The following WWOX variants were observed in gnomAD, a reference collection of about 807,000 sequenced individuals.
WWOX encodes the protein WW domain containing oxidoreductase, also known as WW domain-containing oxidoreductase.
A neutral mutation model predicts 46.2 loss-of-function variants in WWOX; 69 were observed. That is an observed-to-expected ratio of 1.49 (90% confidence interval 1.23 to 1.82). The LOEUF is 1.82. Among genes scored for constraint, WWOX ranks in the 40% most tolerant of loss-of-function variants. The pLI is 0.00. For synonymous variants in WWOX, 359 were observed against 202.6 expected (o/e 1.77, Z -6.56); for missense variants, 919 against 542.6 (o/e 1.69, Z -6.89).
chr16:78,539,373 A>G lies in WWOX; in HGVS notation c.1056+106621A>G, dbSNP rs1191054375. Among the ~76,000 whole-genome samples, 8 of 152,228 alleles carry G rather than the reference A, an allele frequency of 5.3e-5. No homozygotes were observed. In the East Asian group the frequency reaches 1.5e-3, roughly 29 times the overall value. ...TGTTTCCCTGCTAGGGGCTCTTGTC[A>G]TAGGAGCCATTGTTGTAGCCTTAGA... On this transcript the variant is annotated intron_variant, in intron 8 of 8. Transcript: ENST00000566780.
At chr16:78,232,762 T>C (rs558807617) in intron 5 of WWOX, among the ~76,000 whole-genome samples, 26 of 152,356 alleles carry the variant, frequency 1.7e-4, no homozygotes, top group Non-Finnish European at 3.1e-4. Flanking sequence ...AGACTGCTTC[T>C]TATGTGATTC....
intron 8 of WWOX, among the ~76,000 whole-genome samples, chr16:79,024,662 C>G (rs1340673450): frequency 1.3e-5 from 2 of 152,104 alleles, no homozygotes; most frequent in East Asian, 3.9e-4. Flanking sequence ...GTCTTCATCT[C>G]CTGACCTCGT....
rs138259259 is a variant in WWOX, at chr16:78,497,841, C to T, written c.1056+65089C>T. Among the ~76,000 whole-genome samples the T allele has an allele frequency of 5.1e-4, 69 of 134,494 alleles. 1 individual carries two copies. The highest frequency in any genetic ancestry group is 1.5e-3 in the African/African-American group (58 of 38,956). The allele number at this position is 134,494 out of a possible 152,430, so 88.2% of individuals were successfully genotyped here. On this transcript the variant is annotated intron_variant, in intron 8 of 8. Transcript: ENST00000566780. ...AATCAATAAATGGTAGATTATACAC[C>T]GGAGTTACTGAGAATTATAAAAAAA... is the stretch of plus-strand genomic sequence containing the variant.
chr16:79,015,956 G>C (rs971439394), intron 8 of WWOX, among the ~76,000 whole-genome samples: 2 of 152,106 alleles, frequency 1.3e-5, no homozygotes, highest in African/African-American at 4.8e-5. Flanking sequence ...TCGCCATGTT[G>C]GCCAGGATGA....
intron 8 of WWOX, among the ~76,000 whole-genome samples, chr16:78,608,350 C>G (rs566451713): frequency 2.0e-5 from 3 of 152,290 alleles, no homozygotes; most frequent in African/African-American, 7.2e-5. Context: ...AAAGCCCTTA[C>G]CATTTATGAA....
intron 8 of WWOX, among the ~76,000 whole-genome samples, chr16:79,116,674 C>T (rs377074822): frequency 8.5e-5 from 13 of 152,090 alleles, no homozygotes; most frequent in African/African-American, 2.9e-4. Context: ...CTTACTTCCT[C>T]CACTAACTTT....
intron 8 of WWOX, among the ~76,000 whole-genome samples, chr16:78,481,326 G>C (rs2084480591): frequency 6.6e-6 from 1 of 152,078 alleles, no homozygotes; most frequent in Non-Finnish European, 1.5e-5. Context: ...TGTCTCTCTT[G>C]GTTTTCAGTG....
chr16:78,919,442 A>C (rs2045325826), intron 8 of WWOX, among the ~76,000 whole-genome samples: 1 of 151,826 alleles, frequency 6.6e-6, no homozygotes, highest in African/African-American at 2.4e-5. Flanking sequence ...ATCATCACTT[A>C]GAATGCCATC....
chr16:78,783,976 A>G (rs28620123), intron 8 of WWOX, among the ~76,000 whole-genome samples: 1 of 151,840 alleles, frequency 6.6e-6, no homozygotes, highest in Non-Finnish European at 1.5e-5. Context: ...TGATGATGAT[A>G]ATGATAGTGG....
intron 8 of WWOX, among the ~76,000 whole-genome samples, chr16:79,012,444 G>C (rs192666684): frequency 6.6e-6 from 1 of 152,092 alleles, no homozygotes; most frequent in Non-Finnish European, 1.5e-5. Flanking sequence ...CATTGGCCAG[G>C]CTGGTCTCGA....
intron 8 of WWOX, among the ~76,000 whole-genome samples, chr16:78,570,769 C>G (rs1051493812): frequency 2.0e-5 from 3 of 152,100 alleles, no homozygotes; most frequent in Non-Finnish European, 4.4e-5. Flanking sequence ...AAAATATATT[C>G]CAGTGGCGAT....
At chr16:78,987,874 T>C (rs1346564312) in intron 8 of WWOX, among the ~76,000 whole-genome samples, 3 of 152,204 alleles carry the variant, frequency 2.0e-5, no homozygotes, top group African/African-American at 7.2e-5. Context: ...TGGGCTTTGC[T>C]GCTTACAACA....
chr16:78,909,431 G>A (rs992518354), intron 8 of WWOX, among the ~76,000 whole-genome samples: 4 of 152,188 alleles, frequency 2.6e-5, no homozygotes, highest in Admixed American at 2.6e-4. Flanking sequence ...AAACAAGGAG[G>A]TTGAACAACC....
chr16:78,640,008 C>T lies in WWOX; in HGVS notation c.1056+207256C>T, dbSNP rs562382820. On this transcript the variant is annotated intron_variant, in intron 8 of 8. Coordinates refer to ENST00000566780, the MANE Select transcript of WWOX (RefSeq NM_016373.4). Reference sequence around the variant, plus strand: ...ATCCCACACAGTGCTGGGGCAGTTTCATAGCCTGTGACCACACAGATAGGA... The same window carrying T: ...ATCCCACACAGTGCTGGGGCAGTTTTATAGCCTGTGACCACACAGATAGGA... Among the ~76,000 whole-genome samples, 7 of 152,262 alleles carry T rather than the reference C, an allele frequency of 4.6e-5. No individual in the cohort carries two copies. The East Asian group carries it at 1.4e-3, about 29-fold the overall frequency.
intron 8 of WWOX, among the ~76,000 whole-genome samples, chr16:79,067,755 G>A (rs1246452051): frequency 6.6e-6 from 1 of 152,134 alleles, no homozygotes; most frequent in Non-Finnish European, 1.5e-5. Flanking sequence ...GTAGTGCCTG[G>A]CAAATGCACA....
chr16:79,200,462 C>T (rs904418588), intron 8 of WWOX, among the ~76,000 whole-genome samples: 2 of 152,164 alleles, frequency 1.3e-5, no homozygotes, highest in African/African-American at 4.8e-5. Context: ...AGTTCCAGCA[C>T]TGCCCCGTTG....
chr16:78,192,928 A>G (rs1390990328), intron 5 of WWOX, among the ~76,000 whole-genome samples: 7 of 152,252 alleles, frequency 4.6e-5, no homozygotes, highest in African/African-American at 1.7e-4. Context: ...AGTAACAAAC[A>G]ATCCCAGACT....
At chr16:78,826,295 A>C (rs1246942117) in intron 8 of WWOX, among the ~76,000 whole-genome samples, 1 of 152,154 alleles carries the variant, frequency 6.6e-6, no homozygotes, top group African/African-American at 2.4e-5. Flanking sequence ...GCAGTGAGCC[A>C]AGATCGTGCC....
chr16:78,721,542 C>G (rs905009650), intron 8 of WWOX, among the ~76,000 whole-genome samples: 2 of 152,156 alleles, frequency 1.3e-5, no homozygotes, highest in Admixed American at 6.5e-5. Flanking sequence ...ATTTGCTCTT[C>G]TTTAGAAGTC....
Sources: gnomAD v4.1 joint callset for allele counts (sites outside exome capture counted in the v4.1 genomes callset) on GRCh38, gnomAD v4.1.1 for gene constraint, MANE v1.5 for transcripts, NCBI Gene and HGNC (gene_info 2026-07-23, HGNC 2026-07-21) for gene names.